The following RNF216 variants were observed in gnomAD, a reference collection of about 807,000 sequenced individuals.
RNF216 encodes E3 ubiquitin-protein ligase RNF216.
In RNF216, 72 loss-of-function variants were observed where a neutral mutation model predicts 110.8. The ratio of observed to expected loss-of-function variants is 0.65; its 90% CI spans 0.54 to 0.79. The LOEUF (loss-of-function observed/expected upper bound fraction) is 0.79, where lower values mean the gene tolerates loss of function less well. Ranked by LOEUF, RNF216 falls within the 30% of genes least tolerant of loss-of-function variation. The pLI is 0.00. For synonymous variants in RNF216, 495 were observed against 407.5 expected, an observed-to-expected ratio of 1.21 and a Z score of -2.59; for missense variants, 1,342 against 1,141.2, an observed-to-expected ratio of 1.18 and a Z score of -2.54.
Position 5,740,999 on chromosome 7 carries a change from G to A in RNF216, c.1018C>T (p.Leu340Phe), listed in dbSNP as rs774687563. The A allele has an allele frequency of 6.2e-7, 1 of 1,608,896 alleles. No homozygotes were observed. The highest frequency in any genetic ancestry group is 1.3e-5 in the African/African-American group (1 of 74,370). Residue 340 changes from leucine (L) to phenylalanine (F), a missense_variant, in exon 4 of 17, where the codon CTC becomes TTC. By Grantham distance (22) the Leu-to-Phe change is conservative (BLOSUM62 0). Transcript: ENST00000389902. ...GTTTCTTTCACTAGTAGTTCAACGAGCTCTTGATCTACCTCTGCAGCTTCT... is the reference window on the plus strand; with the variant it reads ...GTTTCTTTCACTAGTAGTTCAACGAACTCTTGATCTACCTCTGCAGCTTCT... ...GQEAAEVDQELVELLVKETEA... is the reference protein window; with the variant it reads ...GQEAAEVDQEFVELLVKETEA...
chr7:5,684,094 CTTTTTTT>C (rs10608511), intron 13 of RNF216, among the ~76,000 whole-genome samples: 2 of 61,844 alleles, frequency 3.2e-5, no homozygotes, highest in African/African-American at 7.3e-5. Flanking sequence ...GCTGGGCCTT[CTTTTTTT>C]TTTTTTTTTT....
chr7:5,641,106 T>C (rs1296846195), intron 15 of RNF216, 48 bp downstream of exon 15: 5 of 1,371,488 alleles, frequency 3.6e-6, no homozygotes, highest in Non-Finnish European at 5.1e-6. Flanking sequence ...TAAAAATATA[T>C]TTCTATTTTC....
At chr7:5,737,060 T>C (rs1263781658) in intron 5 of RNF216, among the ~76,000 whole-genome samples, 1 of 152,260 alleles carries the variant, frequency 6.6e-6, no homozygotes, top group Admixed American at 6.5e-5. Flanking sequence ...ATGATGACGA[T>C]GACAGCTGTG....
chr7:5,773,083 G>A (rs958181816), intron 1 of RNF216, among the ~76,000 whole-genome samples: 2 of 151,780 alleles, frequency 1.3e-5, no homozygotes, highest in African/African-American at 4.8e-5. Context: ...CCTGGCCCCA[G>A]GTATTCCCAC....
chr7:5,691,859 C>T (rs1157859017), intron 13 of RNF216, among the ~76,000 whole-genome samples: 1 of 152,230 alleles, frequency 6.6e-6, no homozygotes, highest in African/African-American at 2.4e-5. Context: ...GCTTGTTCAG[C>T]AGAACTGCTA....
Position 5,767,907 on chromosome 7 carries a change from G to A in RNF216, c.-69-6769C>T, listed in dbSNP as rs577703756. ...AGCCACAACTCCCAGCCTGTTGAGA[G>A]AGATTAAAGGTCAAGCCCAACCAAA... On this transcript the variant is annotated intron_variant, in intron 1 of 16. Coordinates refer to ENST00000389902, the MANE Select transcript of RNF216 (RefSeq NM_207111.4). Among the ~76,000 whole-genome samples, 25 of 152,196 alleles carry A rather than the reference G, an allele frequency of 1.6e-4. No homozygotes were observed. The East Asian group carries it at 4.8e-3, about 29-fold the overall frequency.
intron 13 of RNF216, among the ~76,000 whole-genome samples, chr7:5,675,726 T>TTTTTTTTTTTTTA: frequency 6.6e-6 from 1 of 151,578 alleles, no homozygotes; most frequent in South Asian, 2.1e-4. Context: ...TTTTTTTTTT[T>TTTTTTTTTTTTTA]GAGGTGGAGT....
chr7:5,709,608 T>C (rs777242850), intron 13 of RNF216, among the ~76,000 whole-genome samples: 1 of 152,192 alleles, frequency 6.6e-6, no homozygotes, highest in Non-Finnish European at 1.5e-5. Context: ...CAGCAGGCCA[T>C]GTATATTCCT....
chr7:5,752,484 T>C (rs1243506100), intron 3 of RNF216, among the ~76,000 whole-genome samples: 3 of 152,176 alleles, frequency 2.0e-5, no homozygotes, highest in East Asian at 3.9e-4. Context: ...AAGAAGTTGA[T>C]TGTAAAATCC....
intron 2 of RNF216, among the ~76,000 whole-genome samples, chr7:5,757,799 C>T (rs901479842): frequency 2.0e-5 from 3 of 152,104 alleles, no homozygotes; most frequent in Non-Finnish European, 4.4e-5. Context: ...TATCATAATT[C>T]AGGTGGTATA....
chr7:5,675,949 T>C (rs1296347913), intron 13 of RNF216, among the ~76,000 whole-genome samples: 1 of 151,918 alleles, frequency 6.6e-6, no homozygotes, highest in Admixed American at 6.5e-5. Flanking sequence ...CCTCAGATGA[T>C]CCGCCCACCT....
chr7:5,647,168 T>A (rs1378836894), intron 14 of RNF216, among the ~76,000 whole-genome samples: 28 of 151,914 alleles, frequency 1.8e-4, no homozygotes, highest in Admixed American at 1.6e-3. Flanking sequence ...GCCAGGTTAA[T>A]TCTTGCTCTG....
chr7:5,684,492 T>C (rs1458506758), intron 13 of RNF216, among the ~76,000 whole-genome samples: 1 of 152,158 alleles, frequency 6.6e-6, no homozygotes, highest in East Asian at 1.9e-4. Context: ...AGCCCTGGCC[T>C]ATTCCAGGAA....
At chr7:5,751,670 G>C (rs1453365534) in intron 3 of RNF216, among the ~76,000 whole-genome samples, 2 of 151,952 alleles carry the variant, frequency 1.3e-5, no homozygotes, top group Admixed American at 6.6e-5. Context: ...GACAAGAAAA[G>C]TAACTTTGAA....
At chr7:5,717,625 G>A (rs1479931964) in intron 9 of RNF216, among the ~76,000 whole-genome samples, 1 of 152,152 alleles carries the variant, frequency 6.6e-6, no homozygotes, top group African/African-American at 2.4e-5. Context: ...TCCATCAATA[G>A]GGGAATGACT....
intron 13 of RNF216, among the ~76,000 whole-genome samples, chr7:5,682,236 C>T (rs1199337734): frequency 6.6e-6 from 1 of 152,132 alleles, no homozygotes; most frequent in East Asian, 1.9e-4. Context: ...ATCTAGACTC[C>T]AAAAATCCCT....
intron 3 of RNF216, among the ~76,000 whole-genome samples, chr7:5,742,504 A>G (rs935928257): frequency 1.3e-5 from 2 of 152,122 alleles, no homozygotes; most frequent in African/African-American, 4.8e-5. Flanking sequence ...AAAAATTAAA[A>G]CAAGACAGTA....
intron 13 of RNF216, among the ~76,000 whole-genome samples, chr7:5,657,151 G>T (rs1477890296): frequency 1.3e-5 from 2 of 152,248 alleles, no homozygotes; most frequent in African/African-American, 2.4e-5. Context: ...GGTTCCTACA[G>T]TGAAACCTGT....
chr7:5,705,061 T>A (rs931924332), intron 13 of RNF216, among the ~76,000 whole-genome samples: 3 of 152,144 alleles, frequency 2.0e-5, no homozygotes, highest in African/African-American at 7.2e-5. Flanking sequence ...AATAATAATC[T>A]CCCTGATGGG....
Sources: allele counts gnomAD v4.1 joint callset (sites outside exome capture counted in the v4.1 genomes callset), GRCh38; gene constraint gnomAD v4.1.1; transcripts MANE v1.5; gene names NCBI Gene and HGNC (gene_info 2026-07-23, HGNC 2026-07-21).